Variants in PRDM10 observed in about 807,000 individuals in gnomAD.
PRDM10 encodes PR domain zinc finger protein 10.
PRDM10 carries 65 observed loss-of-function variants against 133.1 expected under a neutral mutation model. The observed-to-expected ratio is 0.49, with a 90% CI of 0.40 to 0.60. The LOEUF (loss-of-function observed/expected upper bound fraction) is 0.60, where lower values mean the gene tolerates loss of function less well. PRDM10 is among the 20% of genes least tolerant of loss of function. The pLI is 0.00. For synonymous variants in PRDM10, 582 were observed against 580.4 expected (o/e 1.00, Z -0.04); for missense variants, 1,137 against 1,507.1 (o/e 0.75, Z 4.07).
intron 1 of PRDM10, among the ~76,000 whole-genome samples, chr11:129,971,256 G>A (rs1308572319): frequency 1.3e-5 from 2 of 152,190 alleles, no homozygotes; most frequent in Non-Finnish European, 2.9e-5. Flanking sequence ...GGACCCGAGC[G>A]AGTTGCCACC....
intron 1 of PRDM10, among the ~76,000 whole-genome samples, chr11:129,963,676 C>T (rs1459119237): frequency 6.6e-6 from 1 of 152,082 alleles, no homozygotes; most frequent in Non-Finnish European, 1.5e-5. Context: ...AAGTTGCCAA[C>T]ACAATGCCCC....
At chr11:129,954,788 T>A (rs76412267) in intron 4 of PRDM10, among the ~76,000 whole-genome samples, 1 of 152,210 alleles carries the variant, frequency 6.6e-6, no homozygotes, top group African/African-American at 2.4e-5. Flanking sequence ...TCCTCCCACC[T>A]TAGCCTCCCA....
intron 2 of PRDM10, among the ~76,000 whole-genome samples, chr11:129,960,439 C>T (rs1231043216): frequency 6.6e-6 from 1 of 152,144 alleles, no homozygotes; most frequent in African/African-American, 2.4e-5. Context: ...TGACTAACCT[C>T]TAAAGTGGCT....
At chr11:129,936,583 G>A (rs1376636561) in intron 8 of PRDM10, among the ~76,000 whole-genome samples, 1 of 152,126 alleles carries the variant, frequency 6.6e-6, no homozygotes, top group Non-Finnish European at 1.5e-5. Flanking sequence ...AGCCCGGGAG[G>A]TGGAGCTTGC....
chr11:129,944,455 G>C (rs1227846938), intron 6 of PRDM10, among the ~76,000 whole-genome samples: 1 of 152,008 alleles, frequency 6.6e-6, no homozygotes, highest in Non-Finnish European at 1.5e-5. Context: ...CGTGGTGGCG[G>C]GCGCCTGTAG....
rs12225300 is a variant in PRDM10, at chr11:129,962,676, A to C, written c.-118-1594T>G. Among the ~76,000 whole-genome samples, 558 of 152,338 alleles carry C rather than the reference A, an allele frequency of 3.7e-3. 23 individuals carry two copies. The East Asian group carries it at 0.088, about 24-fold the overall frequency. On this transcript the variant is annotated intron_variant, in intron 1 of 20. Coordinates refer to ENST00000360871, the MANE Select transcript of PRDM10 (RefSeq NM_199437.2). ...TGTGTCAAAAGCTATCAACCTATTA[A>C]GATATGTGAATTTTATTACATTTAA...
At chr11:129,985,730 C>T (rs1188987440) in intron 1 of PRDM10, among the ~76,000 whole-genome samples, 4 of 129,374 alleles carry the variant, frequency 3.1e-5, no homozygotes, top group Non-Finnish European at 6.2e-5. Flanking sequence ...TGCAGTGAGC[C>T]GAGATTGTGC....
chr11:129,908,599 T>C (rs976251526), intron 19 of PRDM10, among the ~76,000 whole-genome samples: 4 of 152,164 alleles, frequency 2.6e-5, no homozygotes, highest in Non-Finnish European at 5.9e-5. Context: ...TGGGTGTAAG[T>C]TGGTAACTGC....
chr11:129,910,601 G>A lies in PRDM10; in HGVS notation c.3038C>T (p.Pro1013Leu). The A allele has an allele frequency of 1.2e-6, 2 of 1,612,860 alleles. No individual in the cohort carries two copies. The highest frequency in any genetic ancestry group is 1.7e-6 in the Non-Finnish European group (2 of 1,179,196). ...SAQQAQQGLS[P>L]SHIQGSSSTQ... ...GGAAGAACTGCCCTGGATGTGGGAGGGGCTGAGCCCCTGCTGAGCCTGCTG... is the reference window on the plus strand; with the variant it reads ...GGAAGAACTGCCCTGGATGTGGGAGAGGCTGAGCCCCTGCTGAGCCTGCTG... The change falls in exon 19 of 21, where the codon CCC becomes CTC. Residue 1013 changes from proline to leucine, a missense_variant. By Grantham distance (98) the Pro-to-Leu change is moderately conservative. Coordinates refer to ENST00000360871, the MANE Select transcript of PRDM10 (RefSeq NM_199437.2).
Position 129,975,316 on chromosome 11 carries a change from C to T in PRDM10, c.-118-14234G>A, listed in dbSNP as rs1035947954. 5.9e-5 allele frequency among the ~76,000 whole-genome samples: 9 copies of T among 151,698 alleles called. No individual in the cohort carries two copies. In the South Asian group the frequency reaches 8.3e-4, roughly 14 times the overall value. On this transcript the variant is annotated intron_variant, in intron 1 of 20. Coordinates refer to ENST00000360871, the MANE Select transcript of PRDM10 (RefSeq NM_199437.2). ...GTGGCAGGCGCCTGTAGTCCCTACT[C>T]GGGAGGCTGAGGCAGGAGAATTGCT... is the stretch of plus-strand genomic sequence containing the variant.
intron 1 of PRDM10, among the ~76,000 whole-genome samples, chr11:129,984,755 G>A (rs554282035): frequency 3.9e-5 from 6 of 152,256 alleles, no homozygotes; most frequent in Non-Finnish European, 8.8e-5. Context: ...TCCACAGGTC[G>A]CGCTGCTGGG....
In PRDM10 at chr11:129,924,873, G is replaced by C; in HGVS notation, c.1878+9C>G. The C allele has an allele frequency of 6.3e-7, 1 of 1,578,760 alleles. No individual in the cohort carries two copies. The highest frequency in any genetic ancestry group is 1.8e-5 in the Admixed American group (1 of 55,092). ...GAAGCAGACAGGAATCTCAGTAGTA[G>C]ACACTCACCTGGATAAAATCTGGGA... is the stretch of plus-strand genomic sequence containing the variant. On this transcript the variant is annotated intron_variant, in intron 12 of 20. Coordinates refer to ENST00000360871, the MANE Select transcript of PRDM10 (RefSeq NM_199437.2).
At chr11:129,954,411 C>G (rs534358021) in intron 4 of PRDM10, among the ~76,000 whole-genome samples, 1 of 151,608 alleles carries the variant, frequency 6.6e-6, no homozygotes, top group East Asian at 1.9e-4. Flanking sequence ...TACAGGCACC[C>G]GCCACCATGC....
At chr11:129,996,332 C>A (rs888621047) in intron 1 of PRDM10, among the ~76,000 whole-genome samples, 7 of 152,228 alleles carry the variant, frequency 4.6e-5, no homozygotes, top group African/African-American at 1.7e-4. Context: ...TGGCGAGCCA[C>A]AGCCCGCAGG....
intron 1 of PRDM10, among the ~76,000 whole-genome samples, chr11:129,970,580 T>C (rs1951998658): frequency 6.6e-6 from 1 of 151,902 alleles, no homozygotes; most frequent in East Asian, 1.9e-4. Context: ...GAGTTTCGCT[T>C]GTTGCCCAGG....
At chr11:129,939,307 C>T (rs11822463) in intron 7 of PRDM10, among the ~76,000 whole-genome samples, 68,476 of 152,014 alleles carry the variant, frequency 0.45, 16,219 homozygotes, top group East Asian at 0.62. Context: ...ATGATTTTTA[C>T]GGATTATTTT....
chr11:129,989,483 A>G (rs1158210601), intron 1 of PRDM10, among the ~76,000 whole-genome samples: 1 of 152,138 alleles, frequency 6.6e-6, no homozygotes, highest in Non-Finnish European at 1.5e-5. Context: ...ACCCAACACT[A>G]TTTAGCCCCA....
intron 1 of PRDM10, among the ~76,000 whole-genome samples, chr11:129,995,277 C>G (rs990412079): frequency 6.6e-6 from 1 of 152,250 alleles, no homozygotes; most frequent in Admixed American, 6.5e-5. Context: ...ATATACATCC[C>G]CTGCCTGGGG....
chr11:129,950,217 G>T (rs1951547477), intron 4 of PRDM10, among the ~76,000 whole-genome samples: 1 of 152,088 alleles, frequency 6.6e-6, no homozygotes. Flanking sequence ...GGGTGACACA[G>T]CAAGGCCCTG....
Sources: gnomAD v4.1 joint callset for allele counts (sites outside exome capture counted in the v4.1 genomes callset) on GRCh38, gnomAD v4.1.1 for gene constraint, MANE v1.5 for transcripts, NCBI Gene and HGNC (gene_info 2026-07-23, HGNC 2026-07-21) for gene names.